SLC36A1: variants seen among roughly 807,000 people sequenced by gnomAD.
SLC36A1 encodes proton-coupled amino acid transporter 1.
A neutral mutation model predicts 47.5 loss-of-function variants in SLC36A1; 30 were observed. The ratio of observed to expected loss-of-function variants is 0.63; its 90% CI spans 0.47 to 0.86. The LOEUF (loss-of-function observed/expected upper bound fraction) is 0.86, where lower values mean the gene tolerates loss of function less well. Ranked by LOEUF, SLC36A1 falls within the 40% of genes least tolerant of loss-of-function variation. SLC36A1 has a pLI of 0.00. For synonymous variants in SLC36A1, 255 were observed against 249.7 expected, an observed-to-expected ratio of 1.02 and a Z score of -0.20; for missense variants, 517 against 606.0, an observed-to-expected ratio of 0.85 and a Z score of 1.54.
At chr5:151,518,396 T>C in the SLC36A1 span, among the ~76,000 whole-genome samples, 1 of 107,464 alleles carries the variant, frequency 9.3e-6, no homozygotes, top group Admixed American at 1.0e-4. Flanking sequence ...AAAGTAAAAA[T>C]CAGGCCAGAA....
In SLC36A1 at chr5:151,453,434, A is replaced by G. The variant is rs537996202; in HGVS notation, c.-5-5354A>G. ...ATTGAAATCTAGTGTGCACATTTCAATTTTACCCAAGTGTATTTCAAGTGT... is the reference window on the plus strand; with the variant it reads ...ATTGAAATCTAGTGTGCACATTTCAGTTTTACCCAAGTGTATTTCAAGTGT... On this transcript the variant is annotated intron_variant, in intron 1 of 10. Coordinates refer to ENST00000243389, the MANE Select transcript of SLC36A1 (RefSeq NM_078483.4). Among the ~76,000 whole-genome samples the G allele has an allele frequency of 2.6e-4, 39 of 152,038 alleles. 1 individual carries two copies. Among genetic ancestry groups the G allele is most frequent in the African/African-American group, 4.6e-4 (19 of 41,456 alleles).
the SLC36A1 span, among the ~76,000 whole-genome samples, chr5:151,352,279 TC>T: frequency 6.6e-6 from 1 of 152,294 alleles, no homozygotes; most frequent in South Asian, 2.1e-4. Context: ...TGTGTGTGTA[TC>T]CCCATTGTTG....
At chr5:151,554,680 G>A in the SLC36A1 span, 1 of 1,602,340 alleles carries the variant, frequency 6.2e-7, no homozygotes, top group Non-Finnish European at 8.5e-7. Flanking sequence ...TCACCTGGGA[G>A]CAGAATTGAG....
the SLC36A1 span, among the ~76,000 whole-genome samples, chr5:151,392,348 C>A: frequency 2.6e-5 from 4 of 152,114 alleles, no homozygotes; most frequent in South Asian, 8.3e-4. Context: ...TTTCAAAAAA[C>A]CAGTTCCTGG....
the SLC36A1 span, among the ~76,000 whole-genome samples, chr5:151,427,859 G>A: frequency 6.6e-6 from 1 of 152,158 alleles, no homozygotes; most frequent in African/African-American, 2.4e-5. Flanking sequence ...CATTATTTTG[G>A]TGTGCGTTCC....
the SLC36A1 span, chr5:151,531,836 G>A: frequency 4.3e-6 from 7 of 1,613,972 alleles, no homozygotes; most frequent in Non-Finnish European, 5.1e-6. The surrounding 1 kb of genome is among the most constrained non-coding windows in gnomAD (Gnocchi z 5.7). Flanking sequence ...TCAGAGGCAC[G>A]GACCGTGAGC....
At chr5:151,436,484 G>A (rs1759783301), upstream of SLC36A1, among the ~76,000 whole-genome samples, 1 of 151,998 alleles carries the variant, frequency 6.6e-6, no homozygotes, top group Admixed American at 6.5e-5. Context: ...GGGTCTAAGT[G>A]AGGGGTCACA....
At chr5:151,364,816 A>G in the SLC36A1 span, among the ~76,000 whole-genome samples, 1 of 152,250 alleles carries the variant, frequency 6.6e-6, no homozygotes, top group South Asian at 2.1e-4. Flanking sequence ...CTTTTCTTCC[A>G]TCTCTTGGCA....
At chr5:151,500,586 T>C in the SLC36A1 span, among the ~76,000 whole-genome samples, 3 of 152,226 alleles carry the variant, frequency 2.0e-5, no homozygotes, top group Non-Finnish European at 4.4e-5. Context: ...CAGGTTGGTC[T>C]CGAACTCCTG....
chr5:151,529,414 G>A, the SLC36A1 span: 1,872 of 1,608,618 alleles, frequency 1.2e-3, 17 homozygotes, highest in African/African-American at 0.022. Flanking sequence ...AGAGGTGACA[G>A]CAGCAATGAG....
At chr5:151,345,459 GAGGCTC>G in the SLC36A1 span, among the ~76,000 whole-genome samples, 1 of 152,166 alleles carries the variant, frequency 6.6e-6, no homozygotes, top group East Asian at 1.9e-4. Flanking sequence ...TCTATGGGCA[GAGGCTC>G]AGGAAGCTTC....
At chr5:151,351,577 G>A in the SLC36A1 span, among the ~76,000 whole-genome samples, 1 of 152,100 alleles carries the variant, frequency 6.6e-6, no homozygotes, top group African/African-American at 2.4e-5. Flanking sequence ...CTTGTTGCAG[G>A]TGTCAACTCT....
At chr5:151,401,006 G>C in the SLC36A1 span, among the ~76,000 whole-genome samples, 2 of 152,070 alleles carry the variant, frequency 1.3e-5, no homozygotes, top group African/African-American at 4.8e-5. Flanking sequence ...TAATTTTGCT[G>C]TGCAGAAGCT....
At chr5:151,373,008 T>C in the SLC36A1 span, among the ~76,000 whole-genome samples, 3 of 151,940 alleles carry the variant, frequency 2.0e-5, no homozygotes, top group Non-Finnish European at 4.4e-5. Flanking sequence ...GTTCAGAAGT[T>C]CAAGACCAGC....
chr5:151,492,690 G>A (rs909573838), downstream of SLC36A1, among the ~76,000 whole-genome samples: 5 of 152,144 alleles, frequency 3.3e-5, no homozygotes, highest in African/African-American at 1.2e-4. Context: ...TTTTATATGT[G>A]TCAACTTATA....
intron 7 of SLC36A1, chr5:151,470,781 A>G (rs1215808901): frequency 6.6e-6 from 1 of 152,180 alleles, no homozygotes; most frequent in African/African-American, 2.4e-5. Flanking sequence ...CCCTAATCCT[A>G]AGCATGTACA....
chr5:151,482,818 A>G (rs1309615275), intron 10 of SLC36A1, among the ~76,000 whole-genome samples: 8 of 152,154 alleles, frequency 5.3e-5, no homozygotes, highest in Non-Finnish European at 1.2e-4. Context: ...ATGAATTTTA[A>G]AGGCATATTT....
At chr5:151,457,403 A>T (rs150049814) in intron 1 of SLC36A1, among the ~76,000 whole-genome samples, 1 of 152,208 alleles carries the variant, frequency 6.6e-6, no homozygotes, top group African/African-American at 2.4e-5. Flanking sequence ...ATCTTTAAGA[A>T]GCCCTTGCTC....
the SLC36A1 span, among the ~76,000 whole-genome samples, chr5:151,429,187 T>A: frequency 1.3e-5 from 2 of 152,088 alleles, no homozygotes; most frequent in African/African-American, 2.4e-5. Flanking sequence ...TGATTTTATT[T>A]TTTTATTTTT....
Sources: gnomAD v4.1 joint callset for allele counts (sites outside exome capture counted in the v4.1 genomes callset) on GRCh38, gnomAD v4.1.1 for gene constraint, Gnocchi (gnomAD v3.1) non-coding constraint, MANE v1.5 for transcripts, NCBI Gene and HGNC (gene_info 2026-07-23, HGNC 2026-07-21) for gene names.